The following MYO10 variants were observed in gnomAD, a reference collection of about 807,000 sequenced individuals.
MYO10 encodes unconventional myosin-X.
MYO10 carries 133 observed loss-of-function variants against 257.3 expected under a neutral mutation model. That is an observed-to-expected ratio of 0.52 (90% CI 0.45 to 0.60). MYO10 has a LOEUF of 0.60. Among genes scored for constraint, MYO10 ranks in the 20% least tolerant of loss-of-function variants. MYO10 has a pLI of 0.00. For synonymous variants in MYO10, 1,104 were observed against 1,028.6 expected (o/e 1.07, Z -1.40); for missense variants, 2,399 against 2,635.7 (o/e 0.91, Z 1.97).
At position 16,794,668 on chromosome 5, in the gene MYO10, C is replaced by T. The variant is rs770956217; in HGVS notation, c.445G>A (p.Asp149Asn). 21 of 1,611,522 alleles carry T rather than the reference C, an allele frequency of 1.3e-5. No homozygotes were observed. The highest frequency in any genetic ancestry group is 1.7e-5 in the Admixed American group (1 of 59,780). The change falls in exon 4 of 41, where the codon GAC becomes AAC. Residue 149 changes from aspartate (D) to asparagine (N), a missense_variant. Physicochemically the swap from Asp to Asn is conservative, Grantham distance 23 (BLOSUM62 1). Transcript: ENST00000513610. Reference sequence around the variant, plus strand: ...TACCTGATGAGGATGCACTGGTTGTCGTGGCGCTTCCACAGGCAGCGGTAG... The same window carrying T: ...TACCTGATGAGGATGCACTGGTTGTTGTGGCGCTTCCACAGGCAGCGGTAG... The part of the protein sequence containing the change: ...ECYRCLWKRH[D>N]NQCILISGES...
intron 1 of MYO10, among the ~76,000 whole-genome samples, chr5:16,891,135 G>C (rs76568109): frequency 0.053 from 8,094 of 151,428 alleles, 388 homozygotes; most frequent in African/African-American, 0.092. Context: ...CATAACATTA[G>C]AAAATTAGCC....
At chr5:16,891,098 C>T (rs999918098) in intron 1 of MYO10, among the ~76,000 whole-genome samples, 16 of 151,684 alleles carry the variant, frequency 1.1e-4, no homozygotes, top group African/African-American at 3.7e-4. Flanking sequence ...GCCTGACTAA[C>T]GTGGTGAAAC....
At position 16,662,106 on chromosome 5, in the gene MYO10, T is replaced by G. The variant is rs1412142201; in HGVS notation, c.*4586A>C. 1 of 152,210 alleles carries G rather than the reference T, an allele frequency of 6.6e-6. No individual in the cohort carries two copies. Among genetic ancestry groups the G allele is most frequent in the Non-Finnish European group, 1.5e-5 (1 of 68,026 alleles). 9.4% of individuals were successfully genotyped at this position (152,210 alleles called of 1,614,324 possible). ...ATGAAACAGTTATAAATGTACTGGC[T>G]AAATTTAGCTTTATGCACTTGTTTT... On this transcript the variant is annotated 3_prime_UTR_variant, in exon 41 of 41. Coordinates refer to ENST00000513610, the MANE Select transcript of MYO10 (RefSeq NM_012334.3).
At chr5:16,870,072 G>A (rs1386567963) in intron 2 of MYO10, among the ~76,000 whole-genome samples, 2 of 151,206 alleles carry the variant, frequency 1.3e-5, no homozygotes. Context: ...GACACACATG[G>A]CTCTGCTTTT....
intron 2 of MYO10, among the ~76,000 whole-genome samples, chr5:16,871,665 G>T (rs1052355791): frequency 1.1e-4 from 17 of 152,056 alleles, no homozygotes; most frequent in African/African-American, 4.1e-4. Flanking sequence ...CTAGGCACCA[G>T]AACCAGTTAA....
At chr5:16,845,347 C>T (rs917243582) in intron 2 of MYO10, among the ~76,000 whole-genome samples, 12 of 152,102 alleles carry the variant, frequency 7.9e-5, no homozygotes, top group Non-Finnish European at 1.6e-4. Context: ...ACGATTATGT[C>T]CTTCCCATTT....
At chr5:16,917,238 T>C (rs1745848627) in intron 1 of MYO10, among the ~76,000 whole-genome samples, 1 of 152,182 alleles carries the variant, frequency 6.6e-6, no homozygotes, top group African/African-American at 2.4e-5. Flanking sequence ...GAGTACACTA[T>C]GGAAATTACT....
chr5:16,804,398 G>A (rs1025003500), intron 3 of MYO10, among the ~76,000 whole-genome samples: 2 of 152,078 alleles, frequency 1.3e-5, no homozygotes, highest in Admixed American at 6.6e-5. Flanking sequence ...AAGTATTTTC[G>A]TAACAGGTCA....
chr5:16,766,032 A>C (rs764491881), intron 11 of MYO10, 48 bp downstream of exon 11: 24 of 1,369,824 alleles, frequency 1.8e-5, no homozygotes, highest in Non-Finnish European at 2.4e-5. Context: ...GGATCTGAAA[A>C]CCCAGGAGTG....
chr5:16,773,386 G>T (rs1365374185), intron 9 of MYO10, among the ~76,000 whole-genome samples: 2 of 152,072 alleles, frequency 1.3e-5, no homozygotes, highest in African/African-American at 4.8e-5. Flanking sequence ...CTGTGCAAAA[G>T]TTAAATTTTT....
At chr5:16,930,418 T>G (rs1176496495) in intron 1 of MYO10, among the ~76,000 whole-genome samples, 4 of 152,174 alleles carry the variant, frequency 2.6e-5, no homozygotes, top group African/African-American at 9.7e-5. Flanking sequence ...GGACTTAATT[T>G]TATAAGCAAT....
At chr5:16,918,500 C>CTTTTTTTTTTTTTTTTTTTT (rs5866221) in intron 1 of MYO10, among the ~76,000 whole-genome samples, 1 of 117,696 alleles carries the variant, frequency 8.5e-6, no homozygotes, top group African/African-American at 3.3e-5. Flanking sequence ...TTTTTCTTTT[C>CTTTTTTTTTTTTTTTTTTTT]TTTTTTTTTT....
At chr5:16,906,849 C>T (rs947505446) in intron 1 of MYO10, among the ~76,000 whole-genome samples, 3 of 152,158 alleles carry the variant, frequency 2.0e-5, no homozygotes, top group Non-Finnish European at 4.4e-5. Flanking sequence ...CGGTGGCTCA[C>T]GCCTGTAATC....
chr5:16,677,331 T>G (rs1033876100), intron 33 of MYO10, among the ~76,000 whole-genome samples: 5 of 152,134 alleles, frequency 3.3e-5, no homozygotes, highest in African/African-American at 1.2e-4. Flanking sequence ...CATGGCTTTG[T>G]ATTTGAAAAA....
intron 30 of MYO10, among the ~76,000 whole-genome samples, chr5:16,682,460 T>G (rs951677487): frequency 6.6e-6 from 1 of 152,132 alleles, no homozygotes; most frequent in Non-Finnish European, 1.5e-5. Flanking sequence ...AAATGCTTGA[T>G]TACGCTTTAT....
chr5:16,805,785 T>G (rs944201639), intron 3 of MYO10, among the ~76,000 whole-genome samples: 2 of 152,214 alleles, frequency 1.3e-5, no homozygotes, highest in South Asian at 4.1e-4. Context: ...AAGTTCCACA[T>G]AACTCACCCC....
intron 2 of MYO10, among the ~76,000 whole-genome samples, chr5:16,855,961 C>A (rs1239203938): frequency 6.6e-6 from 1 of 152,232 alleles, no homozygotes; most frequent in Non-Finnish European, 1.5e-5. Context: ...CCAGAACCAT[C>A]TGTAACATCC....
chr5:16,904,103 T>C (rs1745456170), intron 1 of MYO10, among the ~76,000 whole-genome samples: 1 of 134,962 alleles, frequency 7.4e-6, no homozygotes, highest in Non-Finnish European at 1.5e-5. Flanking sequence ...GGTTGACCAG[T>C]AACCAGTGAA....
intron 19 of MYO10, among the ~76,000 whole-genome samples, chr5:16,742,466 T>TG: frequency 6.6e-6 from 1 of 152,182 alleles, no homozygotes; most frequent in Admixed American, 6.6e-5. Flanking sequence ...TCAAAGATGC[T>TG]GGCAATGGGT....
Sources: gnomAD v4.1 joint callset for allele counts (sites outside exome capture counted in the v4.1 genomes callset) on GRCh38, gnomAD v4.1.1 for gene constraint, MANE v1.5 for transcripts, NCBI Gene and HGNC (gene_info 2026-07-23, HGNC 2026-07-21) for gene names.